INPP5D: variants seen among roughly 807,000 people sequenced by gnomAD.
INPP5D encodes phosphatidylinositol 3,4,5-trisphosphate 5-phosphatase 1.
In INPP5D, 33 loss-of-function variants were observed where a neutral mutation model predicts 122.9. The observed-to-expected ratio is 0.27, with a 90% CI of 0.20 to 0.36. The LOEUF (loss-of-function observed/expected upper bound fraction) is 0.36. Ranked by LOEUF, INPP5D falls within the 10% of genes least tolerant of loss-of-function variation. The pLI is 1.00. For synonymous variants in INPP5D, 584 were observed against 576.2 expected (o/e 1.01, Z -0.19); for missense variants, 1,053 against 1,412.7 (o/e 0.75, Z 4.08).
intron 25 of INPP5D, among the ~76,000 whole-genome samples, chr2:233,199,295 G>C (rs1203129568): frequency 7.2e-6 from 1 of 138,244 alleles, no homozygotes; most frequent in African/African-American, 2.6e-5. Flanking sequence ...GCTGAGGCAG[G>C]AGAATCGCTT....
chr2:233,140,163 C>A, intron 6 of INPP5D: 1 of 317,950 alleles, frequency 3.1e-6, no homozygotes, highest in Non-Finnish European at 5.7e-6. Flanking sequence ...AAATTATGCA[C>A]TCATCAGCAA....
chr2:233,204,829 T>G, intron 26 of INPP5D, 112 bp downstream of exon 26: 1 of 1,377,024 alleles, frequency 7.3e-7, no homozygotes. Context: ...CGCATGCATA[T>G]GTGCGTGCAT....
chr2:233,066,514 G>A (rs528798474), intron 1 of INPP5D, among the ~76,000 whole-genome samples: 16 of 152,334 alleles, frequency 1.1e-4, no homozygotes, highest in Non-Finnish European at 1.5e-4. Flanking sequence ...GGTGGAATGA[G>A]GATGACAAGG....
chr2:233,114,783 C>G (rs986365477), intron 2 of INPP5D, among the ~76,000 whole-genome samples: 1 of 152,186 alleles, frequency 6.6e-6, no homozygotes, highest in African/African-American at 2.4e-5. Flanking sequence ...TTTCACCGTC[C>G]TCTCTAGTGG....
chr2:233,167,338 TC>T (rs754192245), intron 13 of INPP5D, among the ~76,000 whole-genome samples: 2 of 151,852 alleles, frequency 1.3e-5, no homozygotes, highest in Non-Finnish European at 2.9e-5. Context: ...GCCACTGCAC[TC>T]CAGCCTGGGC....
intron 16 of INPP5D, 41 bp from the exon 17 acceptor site, chr2:233,171,023 C>G (rs772216364): frequency 6.2e-7 from 1 of 1,606,774 alleles, no homozygotes; most frequent in South Asian, 1.1e-5. Flanking sequence ...AGATGCAAAA[C>G]CTGGGGAATC....
At chr2:233,102,695 A>G (rs150993831) in intron 2 of INPP5D, among the ~76,000 whole-genome samples, 6,215 of 152,026 alleles carry the variant, frequency 0.041, 179 homozygotes, top group African/African-American at 0.075. Context: ...AAAAATGCAA[A>G]AAAAATTAGC....
In INPP5D at chr2:233,185,899, G is replaced by A. The variant is rs749260871; in HGVS notation, c.2332G>A (p.Val778Met). 1 of 1,607,868 alleles carries A rather than the reference G, an allele frequency of 6.2e-7. No homozygotes were observed. The highest frequency in any genetic ancestry group is 8.5e-7 in the Non-Finnish European group (1 of 1,177,116). The change falls in exon 21 of 27, where the codon GTG becomes ATG. Residue 778 changes from valine (V) to methionine (M), a missense_variant. By Grantham distance (21) the Val-to-Met change is conservative. Around this residue, in one of 6 missense-constraint regions of INPP5D, gnomAD observed 258 missense variants for 439.1 expected, o/e 0.59. Transcript: ENST00000445964. ...NEEGSEGELV[V>M]KFGETLPKLK... ...AGAAGGAAGTGAGGGGGAGCTGGTG[G>A]TGAAGTTTGGTGAGACTCTTCCAAA...
At chr2:233,147,366 C>T in intron 8 of INPP5D, 105 bp from the exon 9 acceptor site, 1 of 654,430 alleles carries the variant, frequency 1.5e-6, no homozygotes, top group South Asian at 1.6e-5. Context: ...ACGAAGGACG[C>T]ACACCAGAGG....
intron 1 of INPP5D, among the ~76,000 whole-genome samples, chr2:233,068,283 C>T (rs113819499): frequency 0.011 from 584 of 54,606 alleles, 5 homozygotes; most frequent in African/African-American, 0.033. Flanking sequence ...GAAACTCTGT[C>T]TCAAAAAAAA....
chr2:233,150,967 C>T (rs1452312996), intron 9 of INPP5D, among the ~76,000 whole-genome samples: 3 of 152,126 alleles, frequency 2.0e-5, no homozygotes, highest in Non-Finnish European at 4.4e-5. Flanking sequence ...AGTGAAATCA[C>T]ACATTACATG....
At chr2:233,126,824 G>T (rs1338943246) in intron 4 of INPP5D, among the ~76,000 whole-genome samples, 2 of 152,044 alleles carry the variant, frequency 1.3e-5, no homozygotes, top group Non-Finnish European at 2.9e-5. Context: ...GGAGGCTGAG[G>T]GAGGAGAATA....
intron 10 of INPP5D, among the ~76,000 whole-genome samples, chr2:233,161,344 G>A (rs1472459570): frequency 2.0e-5 from 3 of 151,154 alleles, no homozygotes; most frequent in African/African-American, 7.3e-5. Flanking sequence ...CACCCACCTC[G>A]GCCTCCCAAA....
intron 24 of INPP5D, among the ~76,000 whole-genome samples, chr2:233,195,971 A>T (rs1292315810): frequency 6.6e-6 from 1 of 152,154 alleles, no homozygotes; most frequent in African/African-American, 2.4e-5. Context: ...ACTCTGTCTC[A>T]AAAATAATAA....
At chr2:233,114,056 G>A (rs1472755910) in intron 2 of INPP5D, among the ~76,000 whole-genome samples, 2 of 152,012 alleles carry the variant, frequency 1.3e-5, no homozygotes, top group Non-Finnish European at 2.9e-5. Flanking sequence ...GACTACAGGC[G>A]CCACCAACAC....
At chr2:233,169,570 T>C (rs1694436739) in intron 14 of INPP5D, 169 bp downstream of exon 14, 1 of 1,030,440 alleles carries the variant, frequency 9.7e-7, no homozygotes, top group Non-Finnish European at 1.4e-6. Context: ...TGCAGCACCA[T>C]AGTGACCTCA....
At chr2:233,129,764 G>C (rs901194897) in intron 4 of INPP5D, among the ~76,000 whole-genome samples, 1 of 152,206 alleles carries the variant, frequency 6.6e-6, no homozygotes, top group Non-Finnish European at 1.5e-5. Context: ...GTGCATGGGA[G>C]CTAAAGCCAT....
chr2:233,200,019 CTTAG>C (rs1476118628), intron 25 of INPP5D, among the ~76,000 whole-genome samples: 2 of 152,124 alleles, frequency 1.3e-5, no homozygotes, highest in African/African-American at 4.8e-5. Context: ...GTAGGGGACA[CTTAG>C]TTAGAAACTG....
chr2:233,063,359 C>A (rs767355596), intron 1 of INPP5D, among the ~76,000 whole-genome samples: 4 of 152,246 alleles, frequency 2.6e-5, no homozygotes, highest in Non-Finnish European at 4.4e-5. Flanking sequence ...CCCTCCCAGG[C>A]CCCCTCTGGT....
Sources: allele counts gnomAD v4.1 joint callset (sites outside exome capture counted in the v4.1 genomes callset), GRCh38; gene constraint gnomAD v4.1.1; regional missense constraint gnomAD v4.1.1; transcripts MANE v1.5; gene names NCBI Gene and HGNC (gene_info 2026-07-23, HGNC 2026-07-21).